Variants in SH3KBP1 observed in about 807,000 individuals in gnomAD.
The protein encoded by SH3KBP1 is SH3 domain-containing kinase-binding protein 1.
In SH3KBP1, 8 loss-of-function variants were observed where a neutral mutation model predicts 50.1. The ratio of observed to expected loss-of-function variants is 0.16; its 90% CI spans 0.09 to 0.29. The LOEUF is 0.29. Among genes scored for constraint, SH3KBP1 ranks in the 10% least tolerant of loss-of-function variants. The probability of loss-of-function intolerance (pLI) is 1.00; values close to 1 mark genes in which losing one functional copy is unlikely to be tolerated. For synonymous variants in SH3KBP1, 227 were observed against 218.6 expected, an observed-to-expected ratio of 1.04 and a Z score of -0.34; for missense variants, 377 against 535.2, an observed-to-expected ratio of 0.70 and a Z score of 2.92.
chrX:19,597,401 T>G (rs2066937252), intron 9 of SH3KBP1, among the ~76,000 whole-genome samples: 1 of 111,822 alleles, frequency 8.9e-6, no homozygotes, highest in African/African-American at 3.3e-5. Context: ...AGAGGCAGAG[T>G]AGATTTAGCA....
intron 2 of SH3KBP1, among the ~76,000 whole-genome samples, chrX:19,832,683 A>G (rs961147579): frequency 1.8e-5 from 2 of 108,492 alleles, no homozygotes; most frequent in Non-Finnish European, 1.9e-5. Flanking sequence ...CCTCCCTGCC[A>G]TCTCCCACCA....
intron 3 of SH3KBP1, among the ~76,000 whole-genome samples, chrX:19,717,328 A>G (rs2063937148): frequency 8.9e-6 from 1 of 111,813 alleles, no homozygotes; most frequent in African/African-American, 3.3e-5. Context: ...AATGAATTCC[A>G]CATCCTGAAA....
intron 12 of SH3KBP1, among the ~76,000 whole-genome samples, chrX:19,584,982 C>T (rs1002994374): frequency 8.9e-6 from 1 of 112,245 alleles, no homozygotes; most frequent in Non-Finnish European, 1.9e-5. Context: ...CAGAGGACCA[C>T]TGACACAAGA....
At chrX:19,810,353 A>C (rs1004303605) in intron 2 of SH3KBP1, among the ~76,000 whole-genome samples, 1 of 112,895 alleles carries the variant, frequency 8.9e-6, no homozygotes, top group African/African-American at 3.2e-5. Flanking sequence ...TGTGACTTTC[A>C]TTATAATGAA....
chrX:19,881,093 C>G (rs1266559946), intron 1 of SH3KBP1, among the ~76,000 whole-genome samples: 1 of 112,141 alleles, frequency 8.9e-6, no homozygotes, highest in Middle Eastern at 4.2e-3. Context: ...TACAGGGAGT[C>G]TACAAGGCAG....
intron 4 of SH3KBP1, among the ~76,000 whole-genome samples, chrX:19,704,825 G>T (rs1182876975): frequency 8.9e-6 from 1 of 112,167 alleles, no homozygotes; most frequent in Non-Finnish European, 1.9e-5. Context: ...GCTTCACAAC[G>T]TTCTACTTGG....
chrX:19,710,391 T>C (rs778297596), intron 3 of SH3KBP1, among the ~76,000 whole-genome samples: 5 of 111,609 alleles, frequency 4.5e-5, no homozygotes, highest in Non-Finnish European at 3.8e-5. Flanking sequence ...CTCATTCTCA[T>C]AGATCATCAG....
intron 1 of SH3KBP1, among the ~76,000 whole-genome samples, chrX:19,836,945 C>T (rs1377956536): frequency 8.9e-6 from 1 of 111,988 alleles, no homozygotes. Flanking sequence ...CTTCCTGCCA[C>T]CATGTGAAGA....
At chrX:19,542,504 T>C (rs1035477285) in intron 15 of SH3KBP1, among the ~76,000 whole-genome samples, 1 of 111,974 alleles carries the variant, frequency 8.9e-6, no homozygotes, top group African/African-American at 3.3e-5. Context: ...GAACAAGACA[T>C]GCCTTAATAG....
At chrX:19,655,818 T>G (rs1329637460) in intron 6 of SH3KBP1, among the ~76,000 whole-genome samples, 1 of 110,911 alleles carries the variant, frequency 9.0e-6, no homozygotes. Flanking sequence ...GACCCTAAAA[T>G]TAAAAAGAGA....
chrX:19,695,009 G>A, intron 5 of SH3KBP1: 1 of 1,201,621 alleles, frequency 8.3e-7, no homozygotes, highest in Non-Finnish European at 1.1e-6. Context: ...TGCTCCGTGA[G>A]CTGGAAAGGG....
At chrX:19,856,066 C>A (rs1016672140) in intron 1 of SH3KBP1, among the ~76,000 whole-genome samples, 26 of 110,172 alleles carry the variant, frequency 2.4e-4, no homozygotes, top group Admixed American at 2.3e-3. Context: ...TCCCCCATCG[C>A]ATCATGGGAG....
intron 9 of SH3KBP1, among the ~76,000 whole-genome samples, chrX:19,604,180 T>C (rs1182096322): frequency 8.9e-6 from 1 of 111,937 alleles, no homozygotes; most frequent in Non-Finnish European, 1.9e-5. Flanking sequence ...TATTCAATTT[T>C]ACTGTCAAGG....
intron 2 of SH3KBP1, among the ~76,000 whole-genome samples, chrX:19,793,333 T>C (rs1319039784): frequency 1.9e-5 from 2 of 106,310 alleles, no homozygotes; most frequent in Non-Finnish European, 3.9e-5. Context: ...TATATATATA[T>C]ATATCTGGCT....
In SH3KBP1 at chrX:19,887,453, T is replaced by TGGC. The variant is rs1395148936; in HGVS notation, c.-146_-144dup. ...GCGGCTGGGCCGGCTTCTTCCTCAG[T>TGGC]GGCGGCGGCGGCGGCTCAGCGCCGC... On this transcript the variant is annotated 5_prime_UTR_variant, in exon 1 of 18. Coordinates refer to ENST00000397821, the MANE Select transcript of SH3KBP1 (RefSeq NM_031892.3). The TGGC allele has an allele frequency of 1.1e-4, 49 of 435,022 alleles. No individual in the cohort carries two copies. Among genetic ancestry groups the TGGC allele is most frequent in the Non-Finnish European group, 1.4e-4 (43 of 305,910 alleles). 35.9% of individuals were successfully genotyped at this position (435,022 alleles called of 1,213,427 possible). A position where few individuals can be genotyped will look rare whatever the true frequency, so the allele number is the denominator to read the frequency against.
chrX:19,646,190 G>C (rs1348260354), intron 6 of SH3KBP1, among the ~76,000 whole-genome samples: 2 of 111,767 alleles, frequency 1.8e-5, no homozygotes, highest in Non-Finnish European at 3.8e-5. Flanking sequence ...CCACTGACTA[G>C]TTCAAAAAAA....
chrX:19,689,609 C>T (rs1254188872), intron 5 of SH3KBP1, among the ~76,000 whole-genome samples: 1 of 111,432 alleles, frequency 9.0e-6, no homozygotes, highest in Admixed American at 9.5e-5. Flanking sequence ...ACATAGGTGT[C>T]CTGTGTGAAG....
chrX:19,682,811 T>C (rs1268238972), intron 6 of SH3KBP1, among the ~76,000 whole-genome samples: 1 of 104,858 alleles, frequency 9.5e-6, no homozygotes, highest in Non-Finnish European at 1.9e-5. Flanking sequence ...ATGATGACAC[T>C]GGGCAAGGTT....
In SH3KBP1 at chrX:19,793,313, A is replaced by AAAAT. The variant is rs1418807395; in HGVS notation, c.162+42811_162+42812insATTT. ...CAAGACATTGTCTCAAGGAAAAAAAAATATATATATATATATATATATATC... is the reference window on the plus strand; with the variant it reads ...CAAGACATTGTCTCAAGGAAAAAAAAAAATATATATATATATATATATATATATC... On this transcript the variant is annotated intron_variant, in intron 2 of 17. Coordinates refer to ENST00000397821, the MANE Select transcript of SH3KBP1 (RefSeq NM_031892.3). Among the ~76,000 whole-genome samples, 37 of 96,969 alleles carry AAAAT rather than the reference A, an allele frequency of 3.8e-4. 1 individual carries two copies. In the East Asian group the frequency reaches 4.6e-3, roughly 12 times the overall value. The allele number at this position is 96,969 out of a possible 115,157, so 84.2% of individuals were successfully genotyped here.
Sources: allele counts gnomAD v4.1 joint callset (sites outside exome capture counted in the v4.1 genomes callset), GRCh38; gene constraint gnomAD v4.1.1; transcripts MANE v1.5; gene names NCBI Gene and HGNC (gene_info 2026-07-23, HGNC 2026-07-21).